The following OSGEPL1 variants were observed in gnomAD, a reference collection of about 807,000 sequenced individuals.
OSGEPL1 encodes tRNA N6-adenosine threonylcarbamoyltransferase, mitochondrial.
OSGEPL1 carries 26 observed loss-of-function variants against 37.2 expected under a neutral mutation model. The observed-to-expected ratio is 0.70, with a 90% CI of 0.51 to 0.97. The LOEUF is 0.97. Ranked by LOEUF, OSGEPL1 falls within the 50% of genes least tolerant of loss-of-function variation. OSGEPL1 has a pLI of 0.00. For missense variants in OSGEPL1, 404 were observed against 487.0 expected, an observed-to-expected ratio of 0.83 and a Z score of 1.60; for synonymous variants, 140 against 159.9, an observed-to-expected ratio of 0.88 and a Z score of 0.94.
At chr2:189,748,710 T>A (rs1000883596) in intron 8 of OSGEPL1, among the ~76,000 whole-genome samples, 1 of 152,224 alleles carries the variant, frequency 6.6e-6, no homozygotes, top group Non-Finnish European at 1.5e-5. Context: ...CCATTAAGGA[T>A]AAGAATTTAT....
At chr2:189,753,151 C>A in intron 5 of OSGEPL1, 172 bp from the exon 6 acceptor site, 1 of 453,888 alleles carries the variant, frequency 2.2e-6, no homozygotes. Context: ...AAAAAAATTA[C>A]TAATAATTCT....
intron 2 of OSGEPL1, among the ~76,000 whole-genome samples, chr2:189,756,852 C>T (rs1020186776): frequency 3.3e-5 from 5 of 152,296 alleles, no homozygotes; most frequent in African/African-American, 1.2e-4. Context: ...TACTCTAAAG[C>T]ACATGCTACC....
chr2:189,762,946 T>G, upstream of OSGEPL1: 1 of 985,418 alleles, frequency 1.0e-6, no homozygotes, highest in Non-Finnish European at 1.2e-6. Context: ...ATGAGAGTTC[T>G]GTAAAATTAC....
At chr2:189,749,509 G>A (rs1187242155) in intron 8 of OSGEPL1, among the ~76,000 whole-genome samples, 1 of 151,390 alleles carries the variant, frequency 6.6e-6, no homozygotes, top group African/African-American at 2.4e-5. Context: ...GAAAAACAGT[G>A]ATAAGCTTAT....
intron 7 of OSGEPL1, among the ~76,000 whole-genome samples, chr2:189,751,451 T>G (rs995687078): frequency 7.3e-5 from 11 of 150,728 alleles, no homozygotes; most frequent in African/African-American, 2.7e-4. Flanking sequence ...TGTGTTTTTT[T>G]TTTTTTTTTT....
intron 4 of OSGEPL1, 30 bp from the exon 5 acceptor site, chr2:189,754,094 C>T (rs776133973): frequency 9.3e-6 from 15 of 1,611,540 alleles, no homozygotes. Context: ...TTTTTAGGCA[C>T]AATCCAGGAA....
At chr2:189,750,413 A>AT (rs1217134995) in intron 8 of OSGEPL1, 137 bp downstream of exon 8, 1 of 487,296 alleles carries the variant, frequency 2.1e-6, no homozygotes, top group African/African-American at 2.0e-5. Flanking sequence ...CTTTTAACAC[A>AT]TTATAGTATC....
Position 189,752,908 on chromosome 2 carries a change from CTG to C in OSGEPL1, c.1033_1034del (p.Gln345ValfsTer13). ...RALEILTNAT[Q>X]CTLLCPPPRL... ...TGGGAGGAGGACACAACAAAGTGCA[CTG>C]TGTTGCATTTGTTAAAATTTCCAGA... On this transcript the variant is annotated frameshift_variant, in exon 6 of 9. Coordinates refer to ENST00000264151, the MANE Select transcript of OSGEPL1 (RefSeq NM_022353.3). LOFTEE classifies it high-confidence loss of function. The C allele has an allele frequency of 6.2e-7, 1 of 1,613,788 alleles. No homozygotes were observed.
At chr2:189,758,418 C>T (rs757202688) in intron 2 of OSGEPL1, among the ~76,000 whole-genome samples, 3 of 152,044 alleles carry the variant, frequency 2.0e-5, no homozygotes, top group South Asian at 4.2e-4. Context: ...CTCACCCCCC[C>T]TCTCTCGGTC....
At chr2:189,762,288 C>G (rs2047197416) in intron 1 of OSGEPL1, among the ~76,000 whole-genome samples, 1 of 152,154 alleles carries the variant, frequency 6.6e-6, no homozygotes, top group African/African-American at 2.4e-5. Context: ...CTAAAGCACA[C>G]TAGTATTTTC....
chr2:189,747,905 T>C (rs2044403477), intron 8 of OSGEPL1, among the ~76,000 whole-genome samples: 1 of 152,064 alleles, frequency 6.6e-6, no homozygotes, highest in African/African-American at 2.4e-5. Flanking sequence ...AGGCTGGTCT[T>C]GAACTCCTGA....
Position 189,754,004 on chromosome 2 carries a change from G to T in OSGEPL1, c.875C>A (p.Thr292Lys), listed in dbSNP as rs2045684898. 6.2e-7 allele frequency: 1 copy of T among 1,613,706 alleles called. No homozygotes were observed. The highest frequency in any genetic ancestry group is 8.5e-7 in the Non-Finnish European group (1 of 1,179,808). The change falls in exon 5 of 9, where the codon ACA becomes AAA. Residue 292 changes from threonine to lysine, a missense_variant. Transcript: ENST00000264151. ...AADIAATVQH[T>K]MACHLVKRTH... Reference sequence around the variant, plus strand: ...TCTTTTCACAAGATGACATGCCATTGTGTGCTGTACTGTGGCAGCAATGTC... The same window carrying T: ...TCTTTTCACAAGATGACATGCCATTTTGTGCTGTACTGTGGCAGCAATGTC...
At chr2:189,762,518 G>C (rs2047252561) in intron 1 of OSGEPL1, 167 bp downstream of exon 1, 1 of 865,358 alleles carries the variant, frequency 1.2e-6, no homozygotes, top group African/African-American at 1.8e-5. Flanking sequence ...AAGGAGGATT[G>C]TACGAAGCAC....
At chr2:189,751,324 A>C (rs937195362) in intron 7 of OSGEPL1, among the ~76,000 whole-genome samples, 4 of 152,294 alleles carry the variant, frequency 2.6e-5, no homozygotes, top group Admixed American at 1.3e-4. Context: ...ATCTGAGACA[A>C]GGTATCAAAG....
At chr2:189,762,922 C>A, upstream of OSGEPL1, 2 of 985,370 alleles carry the variant, frequency 2.0e-6, no homozygotes, top group Non-Finnish European at 2.4e-6. Flanking sequence ...GCATTTCCCC[C>A]AGATTTGCAG....
chr2:189,753,446 C>T (rs2045598683), intron 5 of OSGEPL1, among the ~76,000 whole-genome samples: 1 of 151,938 alleles, frequency 6.6e-6, no homozygotes, highest in South Asian at 2.1e-4. Flanking sequence ...GGCTTTTAAG[C>T]ACAATTAAAG....
intron 2 of OSGEPL1, among the ~76,000 whole-genome samples, chr2:189,758,288 G>A (rs1442759331): frequency 1.3e-5 from 2 of 152,120 alleles, no homozygotes; most frequent in Non-Finnish European, 1.5e-5. Context: ...GGCTGAGGGG[G>A]GAGAATCGCT....
At chr2:189,759,423 T>G (rs1216839677) in intron 2 of OSGEPL1, among the ~76,000 whole-genome samples, 1 of 152,128 alleles carries the variant, frequency 6.6e-6, no homozygotes, top group African/African-American at 2.4e-5. Context: ...TAATTTTTTT[T>G]GTATTTTTAG....
At chr2:189,757,159 TG>T (rs1438484988) in intron 2 of OSGEPL1, among the ~76,000 whole-genome samples, 5 of 152,196 alleles carry the variant, frequency 3.3e-5, no homozygotes, top group Non-Finnish European at 5.9e-5. Flanking sequence ...CACTGAGGCT[TG>T]AAGCTATAGC....
Sources: gnomAD v4.1 joint callset for allele counts (sites outside exome capture counted in the v4.1 genomes callset) on GRCh38, gnomAD v4.1.1 for gene constraint, MANE v1.5 for transcripts, NCBI Gene and HGNC (gene_info 2026-07-23, HGNC 2026-07-21) for gene names.